SIK3: variants seen among roughly 807,000 people sequenced by gnomAD.
SIK3 encodes serine/threonine-protein kinase SIK3.
SIK3 carries 28 observed loss-of-function variants against 144.2 expected under a neutral mutation model. That is an observed-to-expected ratio of 0.19 (90% CI 0.14 to 0.27). The LOEUF (loss-of-function observed/expected upper bound fraction) is 0.27. Ranked by LOEUF, SIK3 falls within the 10% of genes least tolerant of loss-of-function variation. The pLI, the probability that SIK3 is intolerant of heterozygous loss-of-function variation, is 1.00. For missense variants in SIK3, 1,319 were observed against 1,776.0 expected (o/e 0.74, Z 4.62); for synonymous variants, 686 against 676.3 (o/e 1.01, Z -0.22).
intron 6 of SIK3, among the ~76,000 whole-genome samples, chr11:116,895,881 G>A (rs1945372691): frequency 6.6e-6 from 1 of 152,196 alleles, no homozygotes; most frequent in South Asian, 2.1e-4. Context: ...AGGGTAGGAA[G>A]ACAGAAGTGA....
intron 1 of SIK3, among the ~76,000 whole-genome samples, chr11:117,030,477 T>C (rs1375543093): frequency 1.3e-5 from 2 of 152,130 alleles, no homozygotes; most frequent in African/African-American, 4.8e-5. Flanking sequence ...TGATATTGAG[T>C]ATTGTGAAAA....
chr11:117,005,325 ACCC>A (rs1253810299), intron 1 of SIK3, among the ~76,000 whole-genome samples: 1 of 113,276 alleles, frequency 8.8e-6, no homozygotes, highest in Non-Finnish European at 1.7e-5. Context: ...ACAGAGCGAG[ACCC>A]CGTCTCAGAA....
chr11:116,871,379 G>A (rs1943962464), intron 13 of SIK3, among the ~76,000 whole-genome samples: 2 of 152,238 alleles, frequency 1.3e-5, no homozygotes, highest in African/African-American at 4.8e-5. Context: ...TACAAGGGTG[G>A]AGTGAACAGG....
chr11:116,880,454 A>G (rs1944487495), intron 6 of SIK3, among the ~76,000 whole-genome samples: 1 of 152,256 alleles, frequency 6.6e-6, no homozygotes, highest in South Asian at 2.1e-4. Flanking sequence ...TCTTGGTTAC[A>G]GTGTCAAGGG....
chr11:116,847,704 A>C (rs1215814066), intron 22 of SIK3, 96 bp from the exon 23 acceptor site: 2 of 1,542,702 alleles, frequency 1.3e-6, no homozygotes, highest in African/African-American at 2.7e-5. Flanking sequence ...GCCCAGGCAA[A>C]AGACAGCCCG....
At chr11:116,928,728 G>A (rs1346165237) in intron 3 of SIK3, among the ~76,000 whole-genome samples, 3 of 152,152 alleles carry the variant, frequency 2.0e-5, no homozygotes, top group Non-Finnish European at 4.4e-5. Flanking sequence ...ACTGCATTCT[G>A]ACCACAAGAA....
Position 116,998,166 on chromosome 11 carries a change from A to T in SIK3, c.274-41102T>A, listed in dbSNP as rs532297856. Among the ~76,000 whole-genome samples the T allele has an allele frequency of 4.9e-3, 425 of 86,640 alleles. 5 individuals carry two copies. Among genetic ancestry groups the T allele is most frequent in the African/African-American group, 0.021 (379 of 18,104 alleles). 56.8% of individuals were successfully genotyped at this position (86,640 alleles called of 152,430 possible). A position where few individuals can be genotyped will look rare whatever the true frequency, so the allele number is the denominator to read the frequency against. ...CCACAGGTAGTGTATATGATAATTTAAAAAAAAAAAAAAGCTATTCCAATA... is the reference window on the plus strand; with the variant it reads ...CCACAGGTAGTGTATATGATAATTTTAAAAAAAAAAAAAGCTATTCCAATA... On this transcript the variant is annotated intron_variant, in intron 1 of 24. Transcript: ENST00000445177.
intron 1 of SIK3, among the ~76,000 whole-genome samples, chr11:117,007,844 G>C (rs1242779367): frequency 6.6e-6 from 1 of 152,098 alleles, no homozygotes; most frequent in Non-Finnish European, 1.5e-5. Context: ...AACACTTTGG[G>C]AGGCTGAGGC....
intron 1 of SIK3, among the ~76,000 whole-genome samples, chr11:116,994,212 T>G (rs1333504324): frequency 3.9e-5 from 6 of 152,308 alleles, no homozygotes; most frequent in African/African-American, 1.4e-4. Flanking sequence ...CCAGTAACTG[T>G]TTTTGAAGAG....
chr11:117,051,063 C>T (rs1953214917), intron 1 of SIK3, among the ~76,000 whole-genome samples: 1 of 152,148 alleles, frequency 6.6e-6, no homozygotes, highest in Non-Finnish European at 1.5e-5. Flanking sequence ...TAAAGAAGAC[C>T]CACACTCACC....
intron 3 of SIK3, among the ~76,000 whole-genome samples, chr11:116,937,689 C>A (rs1437931527): frequency 6.6e-6 from 1 of 152,090 alleles, no homozygotes; most frequent in Non-Finnish European, 1.5e-5. Context: ...CAATTTTCAA[C>A]ATAAGGGAAA....
In SIK3 at chr11:116,992,475, A is replaced by G. The variant is rs1170587970; in HGVS notation, c.274-35411T>C. On this transcript the variant is annotated intron_variant, in intron 1 of 24. Coordinates refer to ENST00000445177, the MANE Select transcript of SIK3 (RefSeq NM_001366686.3). ...TACAGCATTAAAAAAACAAAATTAC[A>G]TTGAGGCCAAAGTAAAATACTTCCA... is the stretch of plus-strand genomic sequence containing the variant. 2.6e-5 allele frequency among the ~76,000 whole-genome samples: 4 copies of G among 152,286 alleles called. No individual in the cohort carries two copies. The South Asian group carries it at 6.2e-4, about 24-fold the overall frequency.
chr11:116,878,459 A>C (rs1250479434), intron 6 of SIK3, among the ~76,000 whole-genome samples: 1 of 150,420 alleles, frequency 6.6e-6, no homozygotes, highest in Non-Finnish European at 1.5e-5. Flanking sequence ...GGCTCACTGC[A>C]ACCTCCGCCT....
At chr11:117,090,850 T>C (rs1955212068) in intron 1 of SIK3, among the ~76,000 whole-genome samples, 1 of 152,246 alleles carries the variant, frequency 6.6e-6, no homozygotes, top group South Asian at 2.1e-4. Context: ...AGGGTTGGAA[T>C]ATTTACTCTT....
intron 1 of SIK3, among the ~76,000 whole-genome samples, chr11:117,028,397 C>T (rs558008747): frequency 1.3e-5 from 2 of 152,094 alleles, no homozygotes; most frequent in African/African-American, 4.8e-5. Flanking sequence ...CTGCTCTAGG[C>T]GGTAGAAAGC....
At chr11:117,058,171 G>T (rs1953625854) in intron 1 of SIK3, among the ~76,000 whole-genome samples, 1 of 152,154 alleles carries the variant, frequency 6.6e-6, no homozygotes, top group South Asian at 2.1e-4. Flanking sequence ...GTGAAGCTAA[G>T]GCGCTAAGAG....
At chr11:117,003,552 G>A (rs866456307) in intron 1 of SIK3, among the ~76,000 whole-genome samples, 2 of 152,102 alleles carry the variant, frequency 1.3e-5, no homozygotes, top group South Asian at 2.1e-4. Flanking sequence ...GCACTTTGAC[G>A]GGGCGGAGGC....
chr11:116,900,277 C>A lies in SIK3; in HGVS notation c.617-2960G>T, dbSNP rs372712183. On this transcript the variant is annotated intron_variant, in intron 4 of 24. Coordinates refer to ENST00000445177, the MANE Select transcript of SIK3 (RefSeq NM_001366686.3). ...TTTCTCCCTCGTTTCCCATTTCAACCTGGTAATAAAACTCTTACTGCTTCA... is the reference window on the plus strand; with the variant it reads ...TTTCTCCCTCGTTTCCCATTTCAACATGGTAATAAAACTCTTACTGCTTCA... 1.4e-4 allele frequency among the ~76,000 whole-genome samples: 22 copies of A among 152,294 alleles called. No homozygotes were observed. In the South Asian group the frequency reaches 2.7e-3, roughly 19 times the overall value.
At chr11:117,062,172 A>G (rs1953824287) in intron 1 of SIK3, among the ~76,000 whole-genome samples, 2 of 152,140 alleles carry the variant, frequency 1.3e-5, no homozygotes, top group African/African-American at 4.8e-5. Flanking sequence ...TAAAAATACA[A>G]AAATTAGCCA....
Sources: gnomAD v4.1 joint callset for allele counts (sites outside exome capture counted in the v4.1 genomes callset) on GRCh38, gnomAD v4.1.1 for gene constraint, MANE v1.5 for transcripts, NCBI Gene and HGNC (gene_info 2026-07-23, HGNC 2026-07-21) for gene names.